Variants in PTAR1 observed in about 807,000 individuals in gnomAD.
PTAR1 encodes the protein protein prenyltransferase alpha subunit repeat containing 1, also known as protein prenyltransferase alpha subunit repeat-containing protein 1.
Under a neutral mutation model 45.5 loss-of-function variants are expected in PTAR1, and 17 were observed. That is an observed-to-expected ratio of 0.37 (90% CI 0.26 to 0.56). The LOEUF (loss-of-function observed/expected upper bound fraction) is 0.56. PTAR1 is among the 20% of genes least tolerant of loss of function. PTAR1 has a pLI of 0.77. For synonymous variants in PTAR1, 169 were observed against 171.3 expected (o/e 0.99, Z 0.11); for missense variants, 391 against 476.3 (o/e 0.82, Z 1.67).
chr9:69,757,818 A>C (rs1286586318), intron 1 of PTAR1: 1 of 152,116 alleles, frequency 6.6e-6, no homozygotes, highest in Non-Finnish European at 1.5e-5. Context: ...TTAAGGGAAG[A>C]AAGCGCAGGC....
chr9:69,713,899 T>C lies in PTAR1; in HGVS notation c.*4443A>G, dbSNP rs1335360413. The C allele has an allele frequency of 1.3e-5, 2 of 152,104 alleles. No homozygotes were observed. Among genetic ancestry groups the C allele is most frequent in the Non-Finnish European group, 2.9e-5 (2 of 67,984 alleles). The allele number at this position is 152,104 out of a possible 1,614,324, so 9.4% of individuals were successfully genotyped here. On this transcript the variant is annotated 3_prime_UTR_variant, in exon 8 of 8. Transcript: ENST00000340434. ...TACCCTACGGGGCCATGCCTAGCGA[T>C]GGGAATAAATAAAACAATGGGCCAC...
chr9:69,710,257 T>A lies in PTAR1; in HGVS notation c.*8085A>T, dbSNP rs531360769. ...GCAAAATACACTCAAATCTAAGACT[T>A]AGTATGGAAGAAAAAGAAGATAAGG... On this transcript the variant is annotated 3_prime_UTR_variant, in exon 8 of 8. Transcript: ENST00000340434. The A allele has an allele frequency of 6.6e-6, 1 of 152,116 alleles. No homozygotes were observed. Among genetic ancestry groups the A allele is most frequent in the African/African-American group, 2.4e-5 (1 of 41,448 alleles). The allele number at this position is 152,116 out of a possible 1,614,324, so 9.4% of individuals were successfully genotyped here. A position where few individuals can be genotyped will look rare whatever the true frequency, so the allele number is the denominator to read the frequency against.
intron 1 of PTAR1, among the ~76,000 whole-genome samples, chr9:69,753,936 T>C (rs899541210): frequency 6.6e-6 from 1 of 152,260 alleles, no homozygotes; most frequent in East Asian, 1.9e-4. Context: ...TGGCAAACTA[T>C]GAAGTGCTAG....
At chr9:69,759,550 A>C (rs1008066459) in intron 1 of PTAR1, among the ~76,000 whole-genome samples, 1 of 152,166 alleles carries the variant, frequency 6.6e-6, no homozygotes, top group Non-Finnish European at 1.5e-5. Context: ...ATGTCGACCT[A>C]CGGGGGACGT....
intron 1 of PTAR1, among the ~76,000 whole-genome samples, chr9:69,755,232 C>G (rs1165735265): frequency 6.6e-6 from 1 of 152,124 alleles, no homozygotes; most frequent in Non-Finnish European, 1.5e-5. Flanking sequence ...TTTAGGTCAC[C>G]TTCATCACAG....
At chr9:69,743,981 G>A (rs1826157659) in intron 2 of PTAR1, among the ~76,000 whole-genome samples, 2 of 152,036 alleles carry the variant, frequency 1.3e-5, no homozygotes, top group South Asian at 2.1e-4. Context: ...AAGTGGTCAC[G>A]GCACCACCTT....
chr9:69,739,183 T>C (rs2134131046), intron 3 of PTAR1, among the ~76,000 whole-genome samples: 1 of 152,274 alleles, frequency 6.6e-6, no homozygotes. Flanking sequence ...TAGCTCAAAA[T>C]GTCAGAACCA....
Position 69,734,147 on chromosome 9 carries a change from C to T in PTAR1, c.428+3G>A. On this transcript the variant is annotated splice_donor_region_variant and intron_variant, in intron 4 of 7. Coordinates refer to ENST00000340434, the MANE Select transcript of PTAR1 (RefSeq NM_001099666.2). ...AGAGTACTATGTTGTAAATTAACCA[C>T]ACCTGTGAATCCATGTTTCTGGACT... 1 of 1,502,902 alleles carries T rather than the reference C, an allele frequency of 6.7e-7. No homozygotes were observed. Among genetic ancestry groups the T allele is most frequent in the Non-Finnish European group, 9.2e-7 (1 of 1,081,404 alleles). The allele number at this position is 1,502,902 out of a possible 1,614,324, so 93.1% of individuals were successfully genotyped here. A position where few individuals can be genotyped will look rare whatever the true frequency, so the allele number is the denominator to read the frequency against.
intron 6 of PTAR1, among the ~76,000 whole-genome samples, chr9:69,721,790 C>T (rs1825020382): frequency 1.3e-5 from 2 of 152,060 alleles, no homozygotes; most frequent in Admixed American, 6.5e-5. Context: ...TTTTAGCAAC[C>T]TAGTATTTTA....
Position 69,711,712 on chromosome 9 carries a change from A to G in PTAR1, c.*6630T>C, listed in dbSNP as rs1226378840. On this transcript the variant is annotated 3_prime_UTR_variant, in exon 8 of 8. Coordinates refer to ENST00000340434, the MANE Select transcript of PTAR1 (RefSeq NM_001099666.2). ...TACATTTATTAATATGCCTTGCACAAGAAAATACTACTTAATCTTTCACAT... is the reference window on the plus strand; with the variant it reads ...TACATTTATTAATATGCCTTGCACAGGAAAATACTACTTAATCTTTCACAT... 6.6e-6 allele frequency: 1 copy of G among 152,148 alleles called. No individual in the cohort carries two copies. The highest frequency in any genetic ancestry group is 1.5e-5 in the Non-Finnish European group (1 of 68,012). 9.4% of individuals were successfully genotyped at this position (152,148 alleles called of 1,614,324 possible).
At chr9:69,735,215 C>A (rs528970711) in intron 3 of PTAR1, among the ~76,000 whole-genome samples, 11 of 152,118 alleles carry the variant, frequency 7.2e-5, no homozygotes, top group Non-Finnish European at 1.6e-4. Context: ...AGCTTCAATG[C>A]AATCAGTTGT....
intron 6 of PTAR1, among the ~76,000 whole-genome samples, chr9:69,722,638 G>A (rs1477982997): frequency 1.4e-5 from 2 of 146,212 alleles, no homozygotes. Flanking sequence ...GCTTTTTCTA[G>A]GGGGGAAAAA....
At chr9:69,730,621 G>C (rs1056256840) in intron 5 of PTAR1, among the ~76,000 whole-genome samples, 1 of 147,026 alleles carries the variant, frequency 6.8e-6, no homozygotes, top group Non-Finnish European at 1.5e-5. Context: ...TATTTCCAAC[G>C]AGCGCATCCT....
At chr9:69,751,978 C>T (rs1826554050) in intron 1 of PTAR1, among the ~76,000 whole-genome samples, 1 of 152,022 alleles carries the variant, frequency 6.6e-6, no homozygotes, top group African/African-American at 2.4e-5. Context: ...ATTCACATGC[C>T]TTTCAACTCT....
At chr9:69,754,131 TTC>T (rs1274047735) in intron 1 of PTAR1, among the ~76,000 whole-genome samples, 1 of 152,192 alleles carries the variant, frequency 6.6e-6, no homozygotes, top group East Asian at 1.9e-4. Context: ...GACTTCAGAC[TTC>T]TGTGTCTCAT....
chr9:69,728,243 C>A (rs2112074), intron 5 of PTAR1, among the ~76,000 whole-genome samples: 4,316 of 152,148 alleles, frequency 0.028, 112 homozygotes, highest in Middle Eastern at 0.061. Context: ...TTAATGTTCT[C>A]ATACAAGATT....
At chr9:69,736,926 G>C (rs1327787115) in intron 3 of PTAR1, among the ~76,000 whole-genome samples, 1 of 152,156 alleles carries the variant, frequency 6.6e-6, no homozygotes, top group Non-Finnish European at 1.5e-5. Flanking sequence ...TCACCTGATG[G>C]AATCAAGCAA....
rs758892052 is a variant in PTAR1, at chr9:69,718,314, G to A, written c.*28C>T. 6.0e-6 allele frequency: 9 copies of A among 1,492,566 alleles called. No homozygotes were observed. The East Asian group carries it at 1.8e-4, about 30-fold the overall frequency. 92.5% of individuals were successfully genotyped at this position (1,492,566 alleles called of 1,614,324 possible). A position where few individuals can be genotyped will look rare whatever the true frequency, so the allele number is the denominator to read the frequency against. ...AAGAAAGCAATATTGCACTAAAAGG[G>A]GAACCTTGTAGGACTAATTCACCTC... On this transcript the variant is annotated 3_prime_UTR_variant, in exon 8 of 8. Transcript: ENST00000340434.
chr9:69,718,299 T>C lies in PTAR1; in HGVS notation c.*43A>G. Reference sequence around the variant, plus strand: ...CTATGTAAATAATAAAAGAAAGCAATATTGCACTAAAAGGGGAACCTTGTA... The same window carrying C: ...CTATGTAAATAATAAAAGAAAGCAACATTGCACTAAAAGGGGAACCTTGTA... On this transcript the variant is annotated 3_prime_UTR_variant, in exon 8 of 8. Transcript: ENST00000340434. The C allele has an allele frequency of 1.5e-6, 2 of 1,348,256 alleles. No individual in the cohort carries two copies. Among genetic ancestry groups the C allele is most frequent in the Non-Finnish European group, 2.0e-6 (2 of 977,738 alleles). 83.5% of individuals were successfully genotyped at this position (1,348,256 alleles called of 1,614,324 possible).
Sources: allele counts gnomAD v4.1 joint callset (sites outside exome capture counted in the v4.1 genomes callset), GRCh38; gene constraint gnomAD v4.1.1; transcripts MANE v1.5; gene names NCBI Gene and HGNC (gene_info 2026-07-23, HGNC 2026-07-21).